The following BSDC1 variants were observed in gnomAD, a reference collection of about 807,000 sequenced individuals.
BSDC1 encodes BSD domain-containing protein 1.
A neutral mutation model predicts 56.0 loss-of-function variants in BSDC1; 29 were observed. The ratio of observed to expected loss-of-function variants is 0.52; its 90% CI spans 0.39 to 0.71. The LOEUF is 0.71. Ranked by LOEUF, BSDC1 falls within the 30% of genes least tolerant of loss-of-function variation. BSDC1 has a pLI of 0.00. For missense variants in BSDC1, 477 were observed against 548.5 expected (o/e 0.87, Z 1.30); for synonymous variants, 210 against 215.3 (o/e 0.98, Z 0.21).
chr1:32,373,361 C>T lies in BSDC1; in HGVS notation c.1156+2901G>A, dbSNP rs148031347. Among the ~76,000 whole-genome samples the T allele has an allele frequency of 6.8e-3, 1,038 of 152,262 alleles. 56 individuals are homozygous for T. The highest frequency in any genetic ancestry group is 0.063 in the Admixed American group (967 of 15,276). On this transcript the variant is annotated intron_variant, in intron 9 of 10. Coordinates refer to ENST00000455895, the MANE Select transcript of BSDC1 (RefSeq NM_018045.8). The stretch of plus-strand genomic sequence containing the variant: ...CTGTAATTTCAATTCCATCCAGTCT[C>T]CAACCACTACTGATTTTTTCTGATC...
In BSDC1 at chr1:32,368,544, C is replaced by G. The variant is rs1641941487; in HGVS notation, c.1163G>C (p.Ser388Thr). 6.2e-7 allele frequency: 1 copy of G among 1,614,138 alleles called. No individual in the cohort carries two copies. Among genetic ancestry groups the G allele is most frequent in the African/African-American group, 1.3e-5 (1 of 75,032 alleles). The change falls in exon 10 of 11, where the codon AGC becomes ACC. Residue 388 changes from serine (S) to threonine (T), a missense_variant. Ser to Thr is a moderately conservative substitution (Grantham distance 58). Coordinates refer to ENST00000455895, the MANE Select transcript of BSDC1 (RefSeq NM_018045.8). ...TPSNNGKKGSSTDISEDWEKD... is the reference protein window; with the variant it reads ...TPSNNGKKGSTTDISEDWEKD... ...CTCCCAGTCCTCACTGATGTCCGTG[C>G]TTGAGCCTGGAACCACGAGCCACAG... is the stretch of plus-strand genomic sequence containing the variant.
At chr1:32,379,681 T>C (rs1642417038) in intron 5 of BSDC1, among the ~76,000 whole-genome samples, 1 of 152,130 alleles carries the variant, frequency 6.6e-6, no homozygotes, top group Non-Finnish European at 1.5e-5. Flanking sequence ...ACCTTGAACT[T>C]CTGGGCCCAA....
chr1:32,376,757 G>T lies in BSDC1; in HGVS notation c.677-16C>A, dbSNP rs1385621734. On this transcript the variant is annotated splice_polypyrimidine_tract_variant and intron_variant, in intron 8 of 10. Coordinates refer to ENST00000455895, the MANE Select transcript of BSDC1 (RefSeq NM_018045.8). ...ATGAGCTCCTCTGTAGAGAGAGAAA[G>T]GGAGGGGCAAGAGGGAAATGTAACC... 4 of 1,346,812 alleles carry T rather than the reference G, an allele frequency of 3.0e-6. No homozygotes were observed. Among genetic ancestry groups the T allele is most frequent in the Non-Finnish European group, 3.8e-6 (4 of 1,039,834 alleles). The allele number at this position is 1,346,812 out of a possible 1,614,324, so 83.4% of individuals were successfully genotyped here. A position where few individuals can be genotyped will look rare whatever the true frequency, so the allele number is the denominator to read the frequency against.
intron 9 of BSDC1, among the ~76,000 whole-genome samples, chr1:32,371,146 G>T (rs906335523): frequency 6.6e-6 from 1 of 152,036 alleles, no homozygotes; most frequent in Admixed American, 6.6e-5. Flanking sequence ...TGTACAGTAA[G>T]ATTCCAGCTT....
chr1:32,390,762 T>C (rs191452488), intron 2 of BSDC1, among the ~76,000 whole-genome samples: 2 of 151,880 alleles, frequency 1.3e-5, no homozygotes, highest in Admixed American at 1.3e-4. Context: ...AATACAAAAA[T>C]TAGTTGGGCG....
At position 32,376,310 on chromosome 1, in the gene BSDC1, G is replaced by C; in HGVS notation, c.1108C>G (p.Leu370Val). 1 of 1,585,754 alleles carries C rather than the reference G, an allele frequency of 6.3e-7. No individual in the cohort carries two copies. The highest frequency in any genetic ancestry group is 8.6e-7 in the Non-Finnish European group (1 of 1,160,812). Residue 370 changes from leucine to valine, a missense_variant, in exon 9 of 11, where the codon CTG becomes GTG. Leu to Val is a conservative substitution (Grantham distance 32). Coordinates refer to ENST00000455895, the MANE Select transcript of BSDC1 (RefSeq NM_018045.8). ...GTAGACTTCCCACTATCCGAGTTCA[G>C]CTCAAACACCCGTAAGTCTGTGGGC... ...EAPTDLRVFE[L>V]NSDSGKSTPS...
In BSDC1 at chr1:32,378,621, C is replaced by T; in HGVS notation, c.528+103G>A. The T allele has an allele frequency of 1.2e-6, 1 of 832,442 alleles. No homozygotes were observed. The highest frequency in any genetic ancestry group is 1.8e-6 in the Non-Finnish European group (1 of 542,678). 51.6% of individuals were successfully genotyped at this position (832,442 alleles called of 1,614,324 possible). A position where few individuals can be genotyped will look rare whatever the true frequency, so the allele number is the denominator to read the frequency against. ...TCTGGCTCTATGGAGCCTCCCAGTG[C>T]TCTCCGGGCCAGATGACTCTGCAGT... is the stretch of plus-strand genomic sequence containing the variant. On this transcript the variant is annotated intron_variant, in intron 6 of 10. Transcript: ENST00000455895. This position sits in a 1 kb window ranked among gnomAD's most constrained non-coding sequence, Gnocchi z 5.2.
rs766507073 is a variant in BSDC1, at chr1:32,364,795, CA to C, written c.*1826del. ...AATAGACCCAAGAATCATATACAAA[CA>C]GGGGGAAGAGAGGATAAAAATGACC... On this transcript the variant is annotated 3_prime_UTR_variant, in exon 11 of 11. Transcript: ENST00000455895. Among the ~76,000 whole-genome samples, 16 of 152,166 alleles carry C rather than the reference CA, an allele frequency of 1.1e-4. No homozygotes were observed. Among genetic ancestry groups the C allele is most frequent in the Non-Finnish European group, 2.2e-4 (15 of 68,034 alleles).
In BSDC1 at chr1:32,376,364, C is replaced by T. The variant is rs749341450; in HGVS notation, c.1054G>A (p.Ala352Thr). 1 of 1,613,530 alleles carries T rather than the reference C, an allele frequency of 6.2e-7. No individual in the cohort carries two copies. The highest frequency in any genetic ancestry group is 1.1e-5 in the South Asian group (1 of 91,028). ...TCCTCCCTCAGAGTCTCTACTCTGGCTGGAGGCCTGGGCTCTGGGCCGCCG... is the reference window on the plus strand; with the variant it reads ...TCCTCCCTCAGAGTCTCTACTCTGGTTGGAGGCCTGGGCTCTGGGCCGCCG... The part of the protein sequence containing the change: ...HTGGPEPRPP[A>T]RVETLREEAP... The change falls in exon 9 of 11, where the codon GCC becomes ACC. Residue 352 changes from alanine (A) to threonine (T), a missense_variant. By Grantham distance (58) the Ala-to-Thr change is moderately conservative. Coordinates refer to ENST00000455895, the MANE Select transcript of BSDC1 (RefSeq NM_018045.8).
At chr1:32,388,445 T>G (rs953447036) in intron 2 of BSDC1, among the ~76,000 whole-genome samples, 2 of 152,190 alleles carry the variant, frequency 1.3e-5, no homozygotes, top group Non-Finnish European at 2.9e-5. Context: ...CTATCCACAC[T>G]GCCACCATCT....
rs774883978 is a variant in BSDC1, at chr1:32,381,230, G to A, written c.396C>T (p.Tyr132=). ...CCCTCTCACCATCTGGTTCATTACA[G>A]TAGGTTGCTGGGTCCGACTGCAGGC... ...LYSLQSDPAT[Y]CNEPDGPPEL... is the part of the protein sequence containing the mutation. The change falls in exon 5 of 11, where the codon TAC becomes TAT. Residue 132 remains tyrosine, a synonymous_variant. Transcript: ENST00000455895. 4.3e-6 allele frequency: 7 copies of A among 1,613,826 alleles called. No individual in the cohort carries two copies. The highest frequency in any genetic ancestry group is 5.9e-6 in the Non-Finnish European group (7 of 1,179,834).
chr1:32,381,414 T>C, intron 4 of BSDC1, 146 bp from the exon 5 acceptor site: 1 of 791,440 alleles, frequency 1.3e-6, no homozygotes, highest in Non-Finnish European at 2.1e-6. Context: ...TAATTAGCAC[T>C]GTGGCACAGA....
At chr1:32,386,954 T>G in intron 2 of BSDC1, 59 bp from the exon 3 acceptor site, 1 of 1,324,828 alleles carries the variant, frequency 7.5e-7, no homozygotes, top group Non-Finnish European at 1.1e-6. Flanking sequence ...CTTGTTCCTG[T>G]TCCCTGTGTT....
chr1:32,366,698 C>T (rs1287922998), intron 10 of BSDC1, 44 bp from the exon 11 acceptor site: 2 of 1,454,152 alleles, frequency 1.4e-6, no homozygotes, highest in South Asian at 1.5e-5. Flanking sequence ...CACATAGTTA[C>T]TCCTGAGTCA....
At chr1:32,393,748 T>C (rs1352630740) in intron 2 of BSDC1, 1 of 345,740 alleles carries the variant, frequency 2.9e-6, no homozygotes, top group East Asian at 5.4e-5. Context: ...ACTGCTAGAA[T>C]CTTTTCCTTC....
At chr1:32,390,542 CAAT>C (rs1378760018) in intron 2 of BSDC1, among the ~76,000 whole-genome samples, 1 of 152,146 alleles carries the variant, frequency 6.6e-6, no homozygotes, top group Non-Finnish European at 1.5e-5. Context: ...AAGGTGGTAA[CAAT>C]GACTTTGGGC....
At chr1:32,366,846 G>A in intron 10 of BSDC1, 192 bp from the exon 11 acceptor site, 2 of 1,324,342 alleles carry the variant, frequency 1.5e-6, no homozygotes, top group African/African-American at 1.5e-5. Flanking sequence ...TCTGCCTGAG[G>A]GGTGGGCCTG....
intron 5 of BSDC1, among the ~76,000 whole-genome samples, 179 bp from the exon 6 acceptor site, chr1:32,379,018 C>T (rs1642395536): frequency 6.6e-6 from 1 of 152,172 alleles, no homozygotes; most frequent in Admixed American, 6.5e-5. Flanking sequence ...TGAGTGATCT[C>T]CAGAAGGGGC....
intron 3 of BSDC1, among the ~76,000 whole-genome samples, chr1:32,385,713 A>C (rs1315309697): frequency 6.6e-6 from 1 of 151,614 alleles, no homozygotes; most frequent in Non-Finnish European, 1.5e-5. Flanking sequence ...GGCAAGAGAG[A>C]GAGACCCCGT....
Sources: gnomAD v4.1 joint callset for allele counts (sites outside exome capture counted in the v4.1 genomes callset) on GRCh38, gnomAD v4.1.1 for gene constraint, Gnocchi (gnomAD v3.1) non-coding constraint, MANE v1.5 for transcripts, NCBI Gene and HGNC (gene_info 2026-07-23, HGNC 2026-07-21) for gene names.